LMBR1: variants seen among roughly 807,000 people sequenced by gnomAD.
The protein encoded by LMBR1 is limb region 1 protein homolog.
LMBR1 carries 52 observed loss-of-function variants against 73.9 expected under a neutral mutation model. That is an observed-to-expected ratio of 0.70 (90% confidence interval 0.56 to 0.89). LMBR1 has a LOEUF of 0.89. LMBR1 is among the 40% of genes least tolerant of loss of function. The pLI, the probability that LMBR1 is intolerant of heterozygous loss-of-function variation, is 0.00. For synonymous variants in LMBR1, 215 were observed against 209.4 expected, an observed-to-expected ratio of 1.03 and a Z score of -0.23; for missense variants, 539 against 579.8, an observed-to-expected ratio of 0.93 and a Z score of 0.72.
chr7:156,831,275 A>ATTTTTTTTT lies in LMBR1; in HGVS notation c.179+2469_179+2477dup, dbSNP rs10633275. 1.3e-3 allele frequency among the ~76,000 whole-genome samples: 170 copies of ATTTTTTTTT among 127,886 alleles called. 3 individuals carry two copies. The highest frequency in any genetic ancestry group is 2.0e-3 in the South Asian group (8 of 3,994). The allele number at this position is 127,886 out of a possible 152,430, so 83.9% of individuals were successfully genotyped here. The stretch of plus-strand genomic sequence containing the variant: ...AATTGTATCAAGCACCCTACCCTAG[A>ATTTTTTTTT]TTTTTTTTTTTTTTTTTTGGCAAAT... On this transcript the variant is annotated intron_variant, in intron 3 of 16. Coordinates refer to ENST00000353442, the MANE Select transcript of LMBR1 (RefSeq NM_022458.4).
chr7:156,703,153 A>G (rs1030806917), intron 15 of LMBR1, among the ~76,000 whole-genome samples: 4 of 152,190 alleles, frequency 2.6e-5, no homozygotes, highest in African/African-American at 4.8e-5. Context: ...GGTGTGTCCT[A>G]TGTGCTCTCT....
At chr7:156,844,860 A>C (rs1839348300) in intron 1 of LMBR1, among the ~76,000 whole-genome samples, 1 of 152,150 alleles carries the variant, frequency 6.6e-6, no homozygotes. Context: ...GGCACTTGAG[A>C]GGTGACACAG....
intron 15 of LMBR1, among the ~76,000 whole-genome samples, chr7:156,699,424 A>G (rs1054749638): frequency 1.3e-5 from 2 of 151,702 alleles, no homozygotes; most frequent in African/African-American, 2.4e-5. Context: ...TTAAAGACTT[A>G]AATGTTAGAC....
intron 15 of LMBR1, among the ~76,000 whole-genome samples, chr7:156,722,247 G>C (rs1288837100): frequency 6.6e-6 from 1 of 152,124 alleles, no homozygotes; most frequent in Non-Finnish European, 1.5e-5. Context: ...CGACAAGAAA[G>C]ACTGAAAAAT....
chr7:156,741,413 G>A (rs1386647397), intron 9 of LMBR1, among the ~76,000 whole-genome samples: 3 of 152,046 alleles, frequency 2.0e-5, no homozygotes, highest in African/African-American at 4.8e-5. Flanking sequence ...AGAAATACAC[G>A]TTACCTATAC....
chr7:156,845,192 T>G (rs1366407746), intron 1 of LMBR1, among the ~76,000 whole-genome samples: 2 of 152,130 alleles, frequency 1.3e-5, no homozygotes, highest in African/African-American at 4.8e-5. Flanking sequence ...ACATCTAATA[T>G]GTATCAATAA....
At chr7:156,851,586 TG>T (rs1278828445) in intron 1 of LMBR1, among the ~76,000 whole-genome samples, 3 of 152,022 alleles carry the variant, frequency 2.0e-5, no homozygotes, top group Non-Finnish European at 4.4e-5. Flanking sequence ...ATGGTAAAGT[TG>T]GGGGGCTGGG....
chr7:156,841,659 G>A (rs1296245155), intron 1 of LMBR1, among the ~76,000 whole-genome samples: 1 of 152,130 alleles, frequency 6.6e-6, no homozygotes, highest in East Asian at 1.9e-4. Context: ...GGCCAAGAAA[G>A]ATGAGGACTG....
chr7:156,745,803 C>G (rs1025651641), intron 9 of LMBR1, among the ~76,000 whole-genome samples: 1 of 152,176 alleles, frequency 6.6e-6, no homozygotes, highest in Non-Finnish European at 1.5e-5. Flanking sequence ...AGACAGCAAT[C>G]GAATACCCTC....
intron 1 of LMBR1, among the ~76,000 whole-genome samples, chr7:156,841,567 A>G (rs1838704475): frequency 6.6e-6 from 1 of 152,180 alleles, no homozygotes; most frequent in South Asian, 2.1e-4. Context: ...AGGCAAACCA[A>G]GAGACTAGAT....
At chr7:156,762,057 T>C (rs1823151188) in intron 8 of LMBR1, 77 bp downstream of exon 8, 3 of 796,456 alleles carry the variant, frequency 3.8e-6, no homozygotes, top group Non-Finnish European at 4.3e-6. Flanking sequence ...TTCTAAATGC[T>C]AGCTCACAAT....
At chr7:156,848,057 C>T (rs1236421036) in intron 1 of LMBR1, among the ~76,000 whole-genome samples, 1 of 148,998 alleles carries the variant, frequency 6.7e-6, no homozygotes, top group Non-Finnish European at 1.5e-5. Context: ...GAAGATCATT[C>T]AACACTAAAA....
rs1400861796 is a variant in LMBR1, at chr7:156,669,136, C to T, written n.1018G>A. The T allele has an allele frequency of 6.6e-6, 1 of 152,128 alleles. No homozygotes were observed. Among genetic ancestry groups the T allele is most frequent in the Non-Finnish European group, 1.5e-5 (1 of 68,032 alleles). 9.4% of individuals were successfully genotyped at this position (152,128 alleles called of 1,614,324 possible). ...ACTTGGAGTTGTGTACTTTGTGAGCCTTCATTGTAAAGGGTGTGCTGACCA... is the reference window on the plus strand; with the variant it reads ...ACTTGGAGTTGTGTACTTTGTGAGCTTTCATTGTAAAGGGTGTGCTGACCA... On this transcript the variant is annotated non_coding_transcript_exon_variant, in exon 5 of 5. Coordinates refer to the LMBR1 transcript ENST00000430825. This position sits in a 1 kb window ranked among gnomAD's most constrained non-coding sequence, Gnocchi z 4.2.
At chr7:156,877,031 C>G (rs901128528) in intron 1 of LMBR1, among the ~76,000 whole-genome samples, 9 of 151,816 alleles carry the variant, frequency 5.9e-5, no homozygotes, top group Non-Finnish European at 7.4e-5. Flanking sequence ...AAAAATGAAA[C>G]AAAAAGCTAG....
chr7:156,855,798 T>G lies in LMBR1; in HGVS notation c.67-18913A>C, dbSNP rs191390897. 7.2e-5 allele frequency among the ~76,000 whole-genome samples: 11 copies of G among 151,898 alleles called. No individual in the cohort carries two copies. In the East Asian group the frequency reaches 2.1e-3, roughly 29 times the overall value. ...TGCCTTACAAATAGAGGATCAAAGA[T>G]TAGAATTGCATCAGACTTCTCTTCA... On this transcript the variant is annotated intron_variant, in intron 1 of 16. Transcript: ENST00000353442.
intron 4 of LMBR1, among the ~76,000 whole-genome samples, chr7:156,672,080 T>G (rs1802676046): frequency 1.3e-5 from 2 of 152,220 alleles, no homozygotes; most frequent in South Asian, 4.1e-4. Flanking sequence ...AGTTTGTGAT[T>G]CTTATGTATA....
Position 156,680,668 on chromosome 7 carries a change from A to G in LMBR1, c.*3410T>C, listed in dbSNP as rs1804878251. On this transcript the variant is annotated 3_prime_UTR_variant, in exon 17 of 17. Transcript: ENST00000353442. ...AATTATTGATGCTACATTGTGGGTT[A>G]TAAGAAATTGATCTACCAATAACTG... The G allele has an allele frequency of 6.5e-6, 1 of 154,500 alleles. No individual in the cohort carries two copies. Among genetic ancestry groups the G allele is most frequent in the Non-Finnish European group, 1.4e-5 (1 of 69,608 alleles). The allele number at this position is 154,500 out of a possible 1,614,324, so 9.6% of individuals were successfully genotyped here.
At chr7:156,699,389 T>G (rs1205547860) in intron 15 of LMBR1, among the ~76,000 whole-genome samples, 8 of 151,822 alleles carry the variant, frequency 5.3e-5, no homozygotes, top group Admixed American at 5.2e-4. Context: ...CCTTACACTT[T>G]ATACAAAAAT....
Position 156,873,476 on chromosome 7 carries a change from C to T in LMBR1, c.66+19452G>A, listed in dbSNP as rs1284807586. 3.3e-5 allele frequency among the ~76,000 whole-genome samples: 5 copies of T among 152,190 alleles called. No individual in the cohort carries two copies. The East Asian group carries it at 9.6e-4, about 29-fold the overall frequency. ...TGTGGAAGGTGACCCGAGCGGGTTG[C>T]CAATGCTGGCTCGGGCAGCCTGCTT... On this transcript the variant is annotated intron_variant, in intron 1 of 16. Transcript: ENST00000353442.
Sources: allele counts gnomAD v4.1 joint callset (sites outside exome capture counted in the v4.1 genomes callset), GRCh38; gene constraint gnomAD v4.1.1; non-coding constraint Gnocchi (gnomAD v3.1); transcripts MANE v1.5; gene names NCBI Gene and HGNC (gene_info 2026-07-23, HGNC 2026-07-21).